Variants in CNTN6 observed in about 807,000 individuals in gnomAD.
CNTN6 encodes the protein contactin-6.
CNTN6 carries 137 observed loss-of-function variants against 122.8 expected under a neutral mutation model. The ratio of observed to expected loss-of-function variants is 1.12; its 90% CI spans 0.97 to 1.29. CNTN6 has a LOEUF of 1.29. Ranked by LOEUF, CNTN6 falls within the 50% of genes most tolerant of loss-of-function variation. The pLI, the probability that CNTN6 is intolerant of heterozygous loss-of-function variation, is 0.00. For synonymous variants in CNTN6, 570 were observed against 426.0 expected (o/e 1.34, Z -4.16); for missense variants, 1,634 against 1,223.4 (o/e 1.34, Z -5.01).
In CNTN6 at chr3:1,384,830, T is replaced by TATATAA. The variant is rs1491355237; in HGVS notation, c.2518-780_2518-779insTATAAA. 2.1e-5 allele frequency among the ~76,000 whole-genome samples: 3 copies of TATATAA among 142,058 alleles called. 1 individual carries two copies. Among genetic ancestry groups the TATATAA allele is most frequent in the Admixed American group, 1.4e-4 (2 of 14,024 alleles). The allele number at this position is 142,058 out of a possible 152,430, so 93.2% of individuals were successfully genotyped here. ...ACACACACATATATATATATATATA[T>TATATAA]AACCATAATCCTCTGATTCCAACAG... is the stretch of plus-strand genomic sequence containing the variant. On this transcript the variant is annotated intron_variant, in intron 19 of 22. Coordinates refer to ENST00000446702, the MANE Select transcript of CNTN6 (RefSeq NM_001289080.2).
chr3:1,179,535 A>G (rs2093516046), intron 2 of CNTN6, among the ~76,000 whole-genome samples: 1 of 152,148 alleles, frequency 6.6e-6, no homozygotes, highest in African/African-American at 2.4e-5. Context: ...CCACAGCTGT[A>G]ATTCTGGGAA....
chr3:1,363,053 GATGCTTTCAAACAAACA>G (rs1407901625), intron 12 of CNTN6, among the ~76,000 whole-genome samples: 3 of 151,610 alleles, frequency 2.0e-5, no homozygotes, highest in Admixed American at 2.0e-4. Flanking sequence ...ACAAAATAAA[GATGCTTTCAAACAAACA>G]AAACCTGAGA....
intron 8 of CNTN6, among the ~76,000 whole-genome samples, chr3:1,323,316 A>C (rs1444447639): frequency 6.6e-6 from 1 of 151,900 alleles, no homozygotes; most frequent in African/African-American, 2.4e-5. Context: ...AGAACCTTGA[A>C]ATGTCTTCTG....
At chr3:1,258,269 G>A (rs2094791788) in intron 4 of CNTN6, among the ~76,000 whole-genome samples, 1 of 152,100 alleles carries the variant, frequency 6.6e-6, no homozygotes, top group African/African-American at 2.4e-5. Context: ...CATTGTAGCA[G>A]TATGACTGAA....
At chr3:1,153,901 G>C (rs955169144) in intron 2 of CNTN6, among the ~76,000 whole-genome samples, 2 of 152,210 alleles carry the variant, frequency 1.3e-5, no homozygotes, top group Non-Finnish European at 2.9e-5. Flanking sequence ...CTTTGGGTCA[G>C]AGTGTGAATG....
At chr3:1,348,579 T>C (rs769398083) in intron 11 of CNTN6, among the ~76,000 whole-genome samples, 16 of 151,930 alleles carry the variant, frequency 1.1e-4, no homozygotes, top group Non-Finnish European at 1.8e-4. Flanking sequence ...AATAAAATTA[T>C]ACATACATAT....
chr3:1,371,199 G>T (rs1471472731), intron 12 of CNTN6, among the ~76,000 whole-genome samples: 1 of 152,042 alleles, frequency 6.6e-6, no homozygotes, highest in Admixed American at 6.5e-5. Context: ...ATGTTAGTTT[G>T]GTTTCTTGAG....
At chr3:1,245,229 TATATATACACACACACATATATATATAAC>T (rs2094550159) in intron 4 of CNTN6, among the ~76,000 whole-genome samples, 8 of 12,174 alleles carry the variant, frequency 6.6e-4, no homozygotes, top group African/African-American at 2.5e-3. Flanking sequence ...TATATATATA[TATATATACACACACACATATATATATAAC>T]ATATATATAT....
chr3:1,245,286 T>TATATAAC (rs2094559982), intron 4 of CNTN6, among the ~76,000 whole-genome samples: 2 of 8,402 alleles, frequency 2.4e-4, no homozygotes, highest in Admixed American at 1.8e-3. Context: ...CACACACATA[T>TATATAAC]ATATATAACA....
At chr3:1,392,674 A>G (rs1452404864) in intron 20 of CNTN6, among the ~76,000 whole-genome samples, 2 of 146,010 alleles carry the variant, frequency 1.4e-5, no homozygotes, top group East Asian at 2.0e-4. Flanking sequence ...AAGGGCTAAT[A>G]TCAAGAATCT....
intron 17 of CNTN6, among the ~76,000 whole-genome samples, chr3:1,380,927 T>G (rs760436436): frequency 6.6e-6 from 1 of 152,202 alleles, no homozygotes; most frequent in African/African-American, 2.4e-5. Flanking sequence ...CTGAACACTG[T>G]CTCCACTTAA....
chr3:1,399,940 C>T (rs1695472020), intron 20 of CNTN6, among the ~76,000 whole-genome samples: 2 of 152,054 alleles, frequency 1.3e-5, no homozygotes, highest in Non-Finnish European at 1.5e-5. Flanking sequence ...TATCACATCC[C>T]AACTGGACTG....
chr3:1,340,430 T>C (rs1703718882), intron 11 of CNTN6, among the ~76,000 whole-genome samples: 1 of 152,198 alleles, frequency 6.6e-6, no homozygotes, highest in South Asian at 2.1e-4. Context: ...AAATATCAGT[T>C]CTTTCAGTGG....
chr3:1,164,014 C>T (rs1559433835), intron 2 of CNTN6, among the ~76,000 whole-genome samples: 1 of 152,174 alleles, frequency 6.6e-6, no homozygotes, highest in Admixed American at 6.5e-5. Context: ...TTCAGAATTT[C>T]TCTTCCCTAT....
intron 20 of CNTN6, among the ~76,000 whole-genome samples, chr3:1,397,993 G>T (rs907703804): frequency 2.0e-5 from 3 of 152,056 alleles, no homozygotes; most frequent in Non-Finnish European, 4.4e-5. Context: ...ATTCTGAGGG[G>T]CTAGTTTAAT....
At chr3:1,403,250 T>A in intron 22 of CNTN6, 68 bp from the exon 23 acceptor site, 1 of 1,000,436 alleles carries the variant, frequency 1.0e-6, no homozygotes, top group South Asian at 1.5e-5. Context: ...AATTGGGGTT[T>A]TGAAAAATTA....
chr3:1,365,682 T>G (rs1363460352), intron 12 of CNTN6, among the ~76,000 whole-genome samples: 1 of 152,020 alleles, frequency 6.6e-6, no homozygotes, highest in African/African-American at 2.4e-5. Flanking sequence ...ATAAACTTAC[T>G]TTTAATGACA....
chr3:1,322,802 T>C (rs1249997237), intron 8 of CNTN6, among the ~76,000 whole-genome samples: 1 of 151,628 alleles, frequency 6.6e-6, no homozygotes, highest in Admixed American at 6.6e-5. Context: ...CAATGAATAC[T>C]ACTATTTTAT....
chr3:1,293,839 G>C (rs1482062938), intron 5 of CNTN6, among the ~76,000 whole-genome samples: 2 of 152,072 alleles, frequency 1.3e-5, no homozygotes, highest in African/African-American at 4.8e-5. Context: ...ACTCTACCTA[G>C]TTTCCGCAGT....
Sources: gnomAD v4.1 joint callset for allele counts (sites outside exome capture counted in the v4.1 genomes callset) on GRCh38, gnomAD v4.1.1 for gene constraint, MANE v1.5 for transcripts, NCBI Gene and HGNC (gene_info 2026-07-23, HGNC 2026-07-21) for gene names.